Variants in GRM5 observed in about 807,000 individuals in gnomAD.
GRM5 encodes glutamate metabotropic receptor 5.
GRM5 carries 19 observed loss-of-function variants against 83.1 expected under a neutral mutation model. That is an observed-to-expected ratio of 0.23 (90% CI 0.16 to 0.34). GRM5 has a LOEUF of 0.34. GRM5 is among the 10% of genes least tolerant of loss of function. The pLI is 1.00. For synonymous variants in GRM5, 675 were observed against 633.6 expected (o/e 1.07, Z -0.98); for missense variants, 1,160 against 1,588.3 (o/e 0.73, Z 4.58).
intron 4 of GRM5, among the ~76,000 whole-genome samples, chr11:88,611,911 G>A (rs1000320519): frequency 1.8e-4 from 27 of 151,292 alleles, no homozygotes; most frequent in African/African-American, 6.5e-4. Context: ...CACAGATTTT[G>A]GTATGTTATG....
intron 2 of GRM5, among the ~76,000 whole-genome samples, chr11:88,873,104 G>A (rs572146999): frequency 1.8e-4 from 27 of 151,674 alleles, no homozygotes; most frequent in African/African-American, 6.3e-4. Flanking sequence ...GCCAAAAACT[G>A]TAGAAAGATA....
chr11:88,866,071 G>T (rs941483452), intron 2 of GRM5, among the ~76,000 whole-genome samples: 1 of 152,078 alleles, frequency 6.6e-6, no homozygotes, highest in Non-Finnish European at 1.5e-5. Context: ...ATACCCAAAA[G>T]ATTATAAATC....
At chr11:88,572,833 AC>A (rs1943031426) in intron 7 of GRM5, among the ~76,000 whole-genome samples, 1 of 152,156 alleles carries the variant, frequency 6.6e-6, no homozygotes, top group African/African-American at 2.4e-5. Flanking sequence ...TGTAGAGGTT[AC>A]CTAAGAGTCT....
intron 3 of GRM5, among the ~76,000 whole-genome samples, chr11:88,684,652 C>G (rs950094537): frequency 6.6e-6 from 1 of 152,180 alleles, no homozygotes; most frequent in Non-Finnish European, 1.5e-5. Context: ...TGTCCCCACC[C>G]AAATTGTACT....
intron 2 of GRM5, among the ~76,000 whole-genome samples, chr11:88,921,375 G>A (rs1337082524): frequency 6.6e-6 from 1 of 152,146 alleles, no homozygotes; most frequent in African/African-American, 2.4e-5. Context: ...TGTAATCCTA[G>A]CACTTTGGGA....
chr11:88,995,723 A>G (rs996440023), intron 2 of GRM5, among the ~76,000 whole-genome samples: 4 of 152,154 alleles, frequency 2.6e-5, no homozygotes, highest in Admixed American at 1.3e-4. Context: ...CATTTTCTAA[A>G]TATCAGTTCT....
chr11:88,575,779 G>C (rs1365543465), intron 7 of GRM5, among the ~76,000 whole-genome samples: 1 of 152,156 alleles, frequency 6.6e-6, no homozygotes, highest in African/African-American at 2.4e-5. Context: ...CTACAGAGTA[G>C]ACTCACAGCC....
At chr11:88,962,283 A>G (rs1938809215) in intron 2 of GRM5, among the ~76,000 whole-genome samples, 1 of 152,032 alleles carries the variant, frequency 6.6e-6, no homozygotes, top group Non-Finnish European at 1.5e-5. Context: ...TTTCCTCCAA[A>G]TATCCACTCT....
chr11:88,972,608 T>C (rs1392298611), intron 2 of GRM5, among the ~76,000 whole-genome samples: 3 of 152,128 alleles, frequency 2.0e-5, no homozygotes, highest in African/African-American at 4.8e-5. Flanking sequence ...AATTATGGAA[T>C]TAGGAGATTA....
intron 2 of GRM5, among the ~76,000 whole-genome samples, chr11:89,026,483 A>G (rs1220890517): frequency 6.6e-6 from 1 of 152,204 alleles, no homozygotes; most frequent in Non-Finnish European, 1.5e-5. Context: ...GGTGTAATAG[A>G]AAGAGTCTTT....
chr11:88,736,217 C>A (rs1941910355), intron 3 of GRM5, among the ~76,000 whole-genome samples: 2 of 151,840 alleles, frequency 1.3e-5, no homozygotes, highest in Non-Finnish European at 2.9e-5. Context: ...ATGCAACAAA[C>A]CTAAAAAAAA....
At chr11:88,904,260 G>A (rs1301201525) in intron 2 of GRM5, among the ~76,000 whole-genome samples, 2 of 152,198 alleles carry the variant, frequency 1.3e-5, no homozygotes, top group East Asian at 1.9e-4. Context: ...GGGTCCACTT[G>A]TCAAGCTTTC....
At chr11:88,782,182 G>C (rs1942987216) in intron 3 of GRM5, among the ~76,000 whole-genome samples, 1 of 151,980 alleles carries the variant, frequency 6.6e-6, no homozygotes, top group Admixed American at 6.6e-5. Context: ...AGAAGTAGCA[G>C]TGATAATAAT....
intron 2 of GRM5, among the ~76,000 whole-genome samples, chr11:88,894,036 C>T (rs316101): frequency 1.3e-5 from 2 of 151,690 alleles, no homozygotes; most frequent in South Asian, 2.1e-4. Flanking sequence ...GAGTTTGCAT[C>T]GGTGAATGCT....
At chr11:88,880,032 C>G (rs1276420078) in intron 2 of GRM5, among the ~76,000 whole-genome samples, 2 of 151,882 alleles carry the variant, frequency 1.3e-5, no homozygotes, top group African/African-American at 4.8e-5. Flanking sequence ...TGGAGAAATG[C>G]TTGAGATTTC....
At chr11:89,009,118 A>G in intron 2 of GRM5, 1 of 719,754 alleles carries the variant, frequency 1.4e-6, no homozygotes, top group South Asian at 1.5e-5. Context: ...AAAATAAAAA[A>G]CCTTAAGATG....
rs370394227 is a variant in GRM5, at chr11:89,041,435, A to C, written c.661+5777T>G. 3.0e-4 allele frequency among the ~76,000 whole-genome samples: 46 copies of C among 152,372 alleles called. 1 individual carries two copies. In the South Asian group the frequency reaches 9.5e-3, roughly 32 times the overall value. ...AGAGAGGAAGGTGGGAAGCTATCCC[A>C]GGCATTAGTCTCTTATAGGTGAGCC... On this transcript the variant is annotated intron_variant, in intron 2 of 9. Transcript: ENST00000305447.
intron 3 of GRM5, among the ~76,000 whole-genome samples, chr11:88,838,868 TACACACACACAC>T (rs59388840): frequency 2.8e-5 from 4 of 144,750 alleles, no homozygotes; most frequent in African/African-American, 5.1e-5. Flanking sequence ...CCCCTTATGC[TACACACACACAC>T]ACACACACAC....
At chr11:88,635,738 A>AC in intron 4 of GRM5, among the ~76,000 whole-genome samples, 2 of 151,852 alleles carry the variant, frequency 1.3e-5, no homozygotes, top group South Asian at 4.2e-4. Context: ...TTGGGGTCAT[A>AC]CCCCCCAAAA....
Sources: allele counts gnomAD v4.1 joint callset (sites outside exome capture counted in the v4.1 genomes callset), GRCh38; gene constraint gnomAD v4.1.1; transcripts MANE v1.5; gene names NCBI Gene and HGNC (gene_info 2026-07-23, HGNC 2026-07-21).